CHCHD6: variants seen among roughly 807,000 people sequenced by gnomAD.
CHCHD6 encodes MICOS complex subunit MIC25.
CHCHD6 carries 28 observed loss-of-function variants against 32.3 expected under a neutral mutation model. The ratio of observed to expected loss-of-function variants is 0.87; its 90% CI spans 0.64 to 1.19. CHCHD6 has a LOEUF of 1.19. Ranked by LOEUF, CHCHD6 falls within the 50% of genes most tolerant of loss-of-function variation. The probability of loss-of-function intolerance (pLI) is 0.00; values close to 1 mark genes in which losing one functional copy is unlikely to be tolerated. For missense variants in CHCHD6, 333 were observed against 307.0 expected (o/e 1.08, Z -0.63); for synonymous variants, 122 against 117.5 (o/e 1.04, Z -0.25).
At chr3:126,799,373 A>G (rs889090434) in intron 4 of CHCHD6, among the ~76,000 whole-genome samples, 6 of 152,242 alleles carry the variant, frequency 3.9e-5, no homozygotes, top group Non-Finnish European at 8.8e-5. Flanking sequence ...TAGGACCTCA[A>G]GATGCCTTGA....
chr3:126,857,715 T>C (rs545539899), intron 5 of CHCHD6, among the ~76,000 whole-genome samples: 2 of 152,338 alleles, frequency 1.3e-5, no homozygotes, highest in South Asian at 4.1e-4. Context: ...TCAGCCTCAC[T>C]ACATATCAGG....
At position 126,718,047 on chromosome 3, in the gene CHCHD6, G is replaced by A. The variant is rs375364075; in HGVS notation, c.88-9031G>A. Among the ~76,000 whole-genome samples, 15 of 152,276 alleles carry A rather than the reference G, an allele frequency of 9.9e-5. No homozygotes were observed. In the East Asian group the frequency reaches 1.7e-3, roughly 18 times the overall value. On this transcript the variant is annotated intron_variant, in intron 1 of 7. Coordinates refer to ENST00000290913, the MANE Select transcript of CHCHD6 (RefSeq NM_032343.3). ...CCTTGGTGTCCCCCTGTTACTCCAG[G>A]GTGAGGGCAGGTTCAGGTTTGAGCC...
intron 3 of CHCHD6, among the ~76,000 whole-genome samples, chr3:126,731,052 G>T (rs1215892808): frequency 6.7e-6 from 1 of 148,250 alleles, no homozygotes; most frequent in Non-Finnish European, 1.5e-5. Flanking sequence ...AGGCTGCAGG[G>T]AGCTGTGATT....
rs1272528747 is a variant in CHCHD6, at chr3:126,739,349, T to TGTTGTC, written c.411+6132_411+6133insCGTTGT. Among the ~76,000 whole-genome samples the TGTTGTC allele has an allele frequency of 2.0e-4, 30 of 152,324 alleles. 1 individual carries two copies. The East Asian group carries it at 5.4e-3, about 27-fold the overall frequency. On this transcript the variant is annotated intron_variant, in intron 4 of 7. Coordinates refer to ENST00000290913, the MANE Select transcript of CHCHD6 (RefSeq NM_032343.3). ...GTGGTCTTTGCCACATATTCTTTGT[T>TGTTGTC]GTTGTTGTTGTTACAACCCTAAAAA... is the stretch of plus-strand genomic sequence containing the variant.
intron 6 of CHCHD6, among the ~76,000 whole-genome samples, chr3:126,927,400 G>T (rs776898526): frequency 9.2e-5 from 14 of 152,202 alleles, no homozygotes; most frequent in Middle Eastern, 3.2e-3. Flanking sequence ...AGTCCTGTTG[G>T]GTTCTAAATG....
chr3:126,795,096 G>A (rs1185718098), intron 4 of CHCHD6, among the ~76,000 whole-genome samples: 1 of 152,178 alleles, frequency 6.6e-6, no homozygotes, highest in Non-Finnish European at 1.5e-5. Flanking sequence ...AGAATGGGGA[G>A]TGTAGTTCAT....
At position 126,767,392 on chromosome 3, in the gene CHCHD6, G is replaced by T. The variant is rs992695099; in HGVS notation, c.411+34170G>T. 4 of 754,994 alleles carry T rather than the reference G, an allele frequency of 5.3e-6. No individual in the cohort carries two copies. The East Asian group carries it at 7.7e-5, about 15-fold the overall frequency. The allele number at this position is 754,994 out of a possible 1,614,324, so 46.8% of individuals were successfully genotyped here. A position where few individuals can be genotyped will look rare whatever the true frequency, so the allele number is the denominator to read the frequency against. ...TGATCACTTCGTGGCTGAGGCCCTC[G>T]ATGAGTCTGGGGGCTCCTACTCTCT... On this transcript the variant is annotated intron_variant, in intron 4 of 7. Coordinates refer to ENST00000290913, the MANE Select transcript of CHCHD6 (RefSeq NM_032343.3).
At chr3:126,862,669 T>A (rs1408327433) in intron 5 of CHCHD6, among the ~76,000 whole-genome samples, 1 of 87,154 alleles carries the variant, frequency 1.1e-5, no homozygotes, top group Non-Finnish European at 2.3e-5. Context: ...CTCCCCCTCC[T>A]CCACCATCAC....
intron 1 of CHCHD6, among the ~76,000 whole-genome samples, chr3:126,722,750 G>A (rs1010940499): frequency 1.3e-5 from 2 of 152,080 alleles, no homozygotes; most frequent in South Asian, 2.1e-4. Context: ...CATTCTGTGG[G>A]TTGTCTTTTC....
intron 5 of CHCHD6, among the ~76,000 whole-genome samples, chr3:126,886,193 A>G (rs1054594103): frequency 3.3e-5 from 5 of 152,352 alleles, no homozygotes; most frequent in Non-Finnish European, 5.9e-5. Context: ...AGCTCCTTTA[A>G]TAACAAACTT....
intron 6 of CHCHD6, among the ~76,000 whole-genome samples, chr3:126,925,409 AGTTAG>A (rs1443689889): frequency 6.6e-6 from 1 of 152,216 alleles, no homozygotes; most frequent in African/African-American, 2.4e-5. Context: ...TGAAAACTTA[AGTTAG>A]ATCTAGCAAA....
intron 4 of CHCHD6, among the ~76,000 whole-genome samples, chr3:126,803,943 G>A (rs917541424): frequency 2.6e-5 from 4 of 152,122 alleles, no homozygotes; most frequent in Non-Finnish European, 5.9e-5. Context: ...GGAAACTGAA[G>A]AACCTGCTCC....
At chr3:126,706,751 C>T (rs1934506100) in intron 1 of CHCHD6, among the ~76,000 whole-genome samples, 1 of 151,930 alleles carries the variant, frequency 6.6e-6, no homozygotes, top group African/African-American at 2.4e-5. Context: ...AGCAGAGTTA[C>T]TTGAGGGTTG....
intron 4 of CHCHD6, chr3:126,767,333 G>T: frequency 2.1e-6 from 2 of 943,424 alleles, no homozygotes; most frequent in Non-Finnish European, 3.5e-6. Flanking sequence ...TTCCATCAAG[G>T]CCAAGGTGTA....
rs546244488 is a variant in CHCHD6, at chr3:126,730,899, A to G, written c.266+269A>G. Among the ~76,000 whole-genome samples, 4 of 152,202 alleles carry G rather than the reference A, an allele frequency of 2.6e-5. 1 individual carries two copies. The highest frequency in any genetic ancestry group is 7.2e-5 in the African/African-American group (3 of 41,524). Reference sequence around the variant, plus strand: ...CAAGGCAGGAGGGTTGCTTGAGGCCAGGAGTTTGAGACCAGCCTGGGCAAC... The same window carrying G: ...CAAGGCAGGAGGGTTGCTTGAGGCCGGGAGTTTGAGACCAGCCTGGGCAAC... On this transcript the variant is annotated intron_variant, in intron 3 of 7. Transcript: ENST00000290913.
At chr3:126,828,307 T>G (rs528691518) in intron 4 of CHCHD6, among the ~76,000 whole-genome samples, 2 of 152,360 alleles carry the variant, frequency 1.3e-5, no homozygotes, top group African/African-American at 4.8e-5. Flanking sequence ...CAACTCAACC[T>G]TGGCTGATTC....
intron 5 of CHCHD6, among the ~76,000 whole-genome samples, chr3:126,861,536 C>T: frequency 1.4e-5 from 2 of 143,382 alleles, no homozygotes; most frequent in African/African-American, 2.6e-5. Context: ...ACCAACACCA[C>T]CACCACCAGC....
intron 4 of CHCHD6, among the ~76,000 whole-genome samples, chr3:126,791,864 G>T (rs1192391526): frequency 2.6e-5 from 4 of 152,220 alleles, no homozygotes; most frequent in Non-Finnish European, 4.4e-5. Context: ...ACCTGCCTTG[G>T]CCTCCCAAAG....
intron 4 of CHCHD6, among the ~76,000 whole-genome samples, chr3:126,753,622 C>G (rs956064041): frequency 3.9e-5 from 6 of 152,248 alleles, no homozygotes; most frequent in African/African-American, 1.2e-4. Flanking sequence ...TGTCCTGCCT[C>G]TCTTCTTGCT....
Sources: gnomAD v4.1 joint callset for allele counts (sites outside exome capture counted in the v4.1 genomes callset) on GRCh38, gnomAD v4.1.1 for gene constraint, MANE v1.5 for transcripts, NCBI Gene and HGNC (gene_info 2026-07-23, HGNC 2026-07-21) for gene names.